The following GLIS3 variants were observed in gnomAD, a reference collection of about 807,000 sequenced individuals.
GLIS3 encodes zinc finger protein GLIS3.
A neutral mutation model predicts 78.6 loss-of-function variants in GLIS3; 53 were observed. The observed-to-expected ratio is 0.67, with a 90% CI of 0.54 to 0.85. GLIS3 has a LOEUF of 0.85. GLIS3 is among the 40% of genes least tolerant of loss of function. The probability of loss-of-function intolerance (pLI) is 0.00; values close to 1 mark genes in which losing one functional copy is unlikely to be tolerated. For synonymous variants in GLIS3, 684 were observed against 509.9 expected (o/e 1.34, Z -4.60); for missense variants, 1,703 against 1,231.1 (o/e 1.38, Z -5.74).
chr9:3,862,776 G>A (rs561081684), intron 8 of GLIS3, among the ~76,000 whole-genome samples: 2 of 152,118 alleles, frequency 1.3e-5, no homozygotes, highest in East Asian at 1.9e-4. Context: ...TCTCTTCCAC[G>A]GCGGCTACAG....
intron 4 of GLIS3, among the ~76,000 whole-genome samples, chr9:3,991,430 T>C (rs1820224205): frequency 2.0e-5 from 3 of 152,072 alleles, no homozygotes; most frequent in Admixed American, 1.3e-4. Flanking sequence ...AATGAATCAA[T>C]TAAAAAACCT....
chr9:4,083,561 G>A (rs1156785153), intron 4 of GLIS3, among the ~76,000 whole-genome samples: 1 of 152,134 alleles, frequency 6.6e-6, no homozygotes, highest in Non-Finnish European at 1.5e-5. Flanking sequence ...ACTTTCCATA[G>A]GTCATACAGC....
intron 4 of GLIS3, among the ~76,000 whole-genome samples, chr9:4,048,422 T>C (rs1482113891): frequency 6.6e-6 from 1 of 152,118 alleles, no homozygotes; most frequent in Non-Finnish European, 1.5e-5. Flanking sequence ...TGATATTATA[T>C]GGGGCTATCA....
chr9:3,951,621 G>A (rs1453009789), intron 4 of GLIS3, among the ~76,000 whole-genome samples: 2 of 147,316 alleles, frequency 1.4e-5, no homozygotes, highest in Non-Finnish European at 2.9e-5. Context: ...TAAAAAAAGG[G>A]ACCGACCGGT....
At chr9:3,898,628 T>C (rs934831344) in intron 7 of GLIS3, 63 bp downstream of exon 7, 6 of 1,606,068 alleles carry the variant, frequency 3.7e-6, no homozygotes, top group East Asian at 2.2e-5. Context: ...AGCATTCCTT[T>C]TAACCAGAGT....
intron 2 of GLIS3, among the ~76,000 whole-genome samples, chr9:4,168,072 C>T (rs1420849895): frequency 1.3e-5 from 2 of 152,126 alleles, no homozygotes; most frequent in African/African-American, 2.4e-5. Context: ...CGGTTAAATG[C>T]AATCATTTCC....
chr9:4,404,708 T>C, the GLIS3 span, among the ~76,000 whole-genome samples: 1 of 152,112 alleles, frequency 6.6e-6, no homozygotes, highest in African/African-American at 2.4e-5. Context: ...ACATATGAGA[T>C]ACAGTGAGAG....
intron 2 of GLIS3, among the ~76,000 whole-genome samples, chr9:4,319,635 T>C (rs1817492272): frequency 6.6e-6 from 1 of 152,064 alleles, no homozygotes; most frequent in Non-Finnish European, 1.5e-5. Flanking sequence ...GCTCAAGTGA[T>C]CCTCCTGCCT....
chr9:3,928,748 T>A (rs1383543236), intron 6 of GLIS3, among the ~76,000 whole-genome samples: 1 of 152,232 alleles, frequency 6.6e-6, no homozygotes, highest in Non-Finnish European at 1.5e-5. Context: ...CAGCCTGTTT[T>A]GAGGTCACAA....
intron 2 of GLIS3, among the ~76,000 whole-genome samples, chr9:4,146,023 A>C (rs990766512): frequency 6.6e-6 from 1 of 152,250 alleles, no homozygotes; most frequent in African/African-American, 2.4e-5. Flanking sequence ...TGGCAATTTT[A>C]ACCTATAAAA....
the GLIS3 span, among the ~76,000 whole-genome samples, chr9:4,398,843 C>T: frequency 6.6e-6 from 1 of 152,184 alleles, no homozygotes; most frequent in Non-Finnish European, 1.5e-5. Context: ...TGCCCACCAA[C>T]ATGCCTGGCT....
At chr9:4,330,418 C>A (rs1243184151) in intron 2 of GLIS3, among the ~76,000 whole-genome samples, 1 of 152,240 alleles carries the variant, frequency 6.6e-6, no homozygotes, top group Non-Finnish European at 1.5e-5. Flanking sequence ...CCAAGGATCA[C>A]ACTTTGAAAA....
chr9:4,375,761 G>A, the GLIS3 span, among the ~76,000 whole-genome samples: 4 of 152,204 alleles, frequency 2.6e-5, no homozygotes, highest in Non-Finnish European at 5.9e-5. Context: ...ATAACAGTCA[G>A]TGCGAGTGGG....
At chr9:4,382,032 C>T in the GLIS3 span, among the ~76,000 whole-genome samples, 1 of 152,210 alleles carries the variant, frequency 6.6e-6, no homozygotes, top group Non-Finnish European at 1.5e-5. Flanking sequence ...CCCCCAGTTC[C>T]TAAGGCTGGT....
At chr9:4,215,365 A>G (rs1028708652) in intron 2 of GLIS3, among the ~76,000 whole-genome samples, 2 of 152,008 alleles carry the variant, frequency 1.3e-5, no homozygotes, top group Admixed American at 1.3e-4. Flanking sequence ...GTATAAATAC[A>G]TATGCATATG....
intron 6 of GLIS3, among the ~76,000 whole-genome samples, chr9:3,904,914 T>G (rs1213392134): frequency 6.6e-6 from 1 of 151,764 alleles, no homozygotes; most frequent in Non-Finnish European, 1.5e-5. Flanking sequence ...CCCAACTTTC[T>G]CCTTGTGTCC....
the GLIS3 span, among the ~76,000 whole-genome samples, chr9:4,434,449 A>G: frequency 6.6e-6 from 1 of 152,212 alleles, no homozygotes; most frequent in Admixed American, 6.5e-5. Context: ...ATAATATCTG[A>G]GCTGAGACAT....
rs542183471 is a variant in GLIS3 at position 4,211,825 on chromosome 9, T to A, written c.388+74213A>T. ...AATGTAATATACTCATTCAATAGAA[T>A]GTTATTTGACAATAAAAAAGGAATG... On this transcript the variant is annotated intron_variant, in intron 2 of 10. Transcript: ENST00000381971. Among the ~76,000 whole-genome samples the A allele has an allele frequency of 3.4e-4, 52 of 152,344 alleles. 1 individual carries two copies. Among genetic ancestry groups the A allele is most frequent in the South Asian group, 1.2e-3 (6 of 4,832 alleles).
chr9:4,437,744 C>A, the GLIS3 span, among the ~76,000 whole-genome samples: 34 of 152,278 alleles, frequency 2.2e-4, no homozygotes, highest in South Asian at 6.8e-3. Flanking sequence ...ACCAAACCCA[C>A]CTCTTCCTCC....
Sources: gnomAD v4.1 joint callset for allele counts (sites outside exome capture counted in the v4.1 genomes callset) on GRCh38, gnomAD v4.1.1 for gene constraint, MANE v1.5 for transcripts, NCBI Gene and HGNC (gene_info 2026-07-23, HGNC 2026-07-21) for gene names.